MRAS: variants seen among roughly 807,000 people sequenced by gnomAD.
The protein encoded by MRAS is muscle RAS oncogene homolog, also known as ras-related protein M-Ras.
Under a neutral mutation model 20.9 loss-of-function variants are expected in MRAS, and 4 were observed. The observed-to-expected ratio is 0.19, with a 90% CI of 0.09 to 0.44. The LOEUF (loss-of-function observed/expected upper bound fraction) is 0.44. Ranked by LOEUF, MRAS falls within the 20% of genes least tolerant of loss-of-function variation. The pLI, the probability that MRAS is intolerant of heterozygous loss-of-function variation, is 0.99. For missense variants in MRAS, 154 were observed against 277.5 expected (o/e 0.56, Z 3.16); for synonymous variants, 98 against 102.9 (o/e 0.95, Z 0.29).
chr3:138,358,866 A>C (rs779257373), intron 1 of MRAS, among the ~76,000 whole-genome samples: 1 of 152,226 alleles, frequency 6.6e-6, no homozygotes, highest in Non-Finnish European at 1.5e-5. Flanking sequence ...GCATGTGGTC[A>C]GGGCTTAATA....
intron 2 of MRAS, among the ~76,000 whole-genome samples, chr3:138,380,293 T>A (rs1372819168): frequency 6.6e-6 from 1 of 151,138 alleles, no homozygotes; most frequent in East Asian, 1.9e-4. Context: ...CTCTCCTCAG[T>A]CCTTGGCAAC....
At chr3:138,400,873 A>G (rs1303838515) in intron 5 of MRAS, among the ~76,000 whole-genome samples, 1 of 152,182 alleles carries the variant, frequency 6.6e-6, no homozygotes, top group East Asian at 1.9e-4. Flanking sequence ...TGTCTGATGC[A>G]GTGGCTCAGG....
chr3:138,382,345 C>T (rs906802566), intron 2 of MRAS, among the ~76,000 whole-genome samples: 2 of 152,206 alleles, frequency 1.3e-5, no homozygotes, highest in Non-Finnish European at 2.9e-5. Context: ...GCAGTTACTA[C>T]CAACCAGACT....
chr3:138,375,523 G>C (rs1576362227), intron 2 of MRAS, among the ~76,000 whole-genome samples: 1 of 151,886 alleles, frequency 6.6e-6, no homozygotes, highest in South Asian at 2.1e-4. Flanking sequence ...TTTTGTTTTT[G>C]TTTTGAGACA....
chr3:138,381,197 A>G (rs934703167), intron 2 of MRAS, among the ~76,000 whole-genome samples: 41 of 152,220 alleles, frequency 2.7e-4, no homozygotes, highest in African/African-American at 9.6e-4. Context: ...TAACGCTGCT[A>G]TGAGCATGGT....
chr3:138,392,268 C>T (rs1214211929), intron 2 of MRAS, among the ~76,000 whole-genome samples: 1 of 152,164 alleles, frequency 6.6e-6, no homozygotes, highest in African/African-American at 2.4e-5. Context: ...AGTGCAGTGG[C>T]AAGATTGTAG....
At chr3:138,348,322 C>T (rs1193628237), upstream of MRAS, 3 of 152,282 alleles carry the variant, frequency 2.0e-5, no homozygotes, top group Admixed American at 6.5e-5. Context: ...CGGATCTGAC[C>T]CGGGTAAGTG....
intron 4 of MRAS, among the ~76,000 whole-genome samples, chr3:138,399,289 C>T (rs1278375128): frequency 6.6e-6 from 1 of 152,182 alleles, no homozygotes; most frequent in African/African-American, 2.4e-5. Flanking sequence ...GATAGTGAGA[C>T]CTGGAAAGCC....
At chr3:138,388,988 C>T (rs1157083594) in intron 2 of MRAS, among the ~76,000 whole-genome samples, 1 of 152,028 alleles carries the variant, frequency 6.6e-6, no homozygotes, top group African/African-American at 2.4e-5. Flanking sequence ...ATTACAGGTA[C>T]CCACCACCAT....
At chr3:138,379,770 C>T (rs1375461406) in intron 2 of MRAS, among the ~76,000 whole-genome samples, 1 of 152,178 alleles carries the variant, frequency 6.6e-6, no homozygotes, top group African/African-American at 2.4e-5. Flanking sequence ...GCTATTGTGA[C>T]TAGCGCTATG....
chr3:138,401,636 G>T (rs2055361714), intron 5 of MRAS, among the ~76,000 whole-genome samples: 1 of 152,260 alleles, frequency 6.6e-6, no homozygotes, highest in African/African-American at 2.4e-5. Context: ...ACAAAAGAAA[G>T]AAAGAAACTA....
In MRAS at chr3:138,404,703, G is replaced by A. The variant is rs1055530618; in HGVS notation, c.*2434G>A. On this transcript the variant is annotated 3_prime_UTR_variant, in exon 6 of 6. Coordinates refer to ENST00000423968, the MANE Select transcript of MRAS (RefSeq NM_001085049.3). ...TAAATAATGCCCCATTTGTAGAAGT[G>A]GGCCCTCATGACTGAGGTAGCTTCC... is the stretch of plus-strand genomic sequence containing the variant. 5 of 152,120 alleles carry A rather than the reference G, an allele frequency of 3.3e-5. No individual in the cohort carries two copies. Among genetic ancestry groups the A allele is most frequent in the African/African-American group, 9.7e-5 (4 of 41,422 alleles). The allele number at this position is 152,120 out of a possible 1,614,324, so 9.4% of individuals were successfully genotyped here. A position where few individuals can be genotyped will look rare whatever the true frequency, so the allele number is the denominator to read the frequency against.
chr3:138,373,018 C>T lies in MRAS; in HGVS notation c.135C>T (p.Thr45=), dbSNP rs769273607. ...TCTTTGTGCCTGACTATGACCCCACCATTGAAGACTCCTACCTGAAACATA... is the reference window on the plus strand; with the variant it reads ...TCTTTGTGCCTGACTATGACCCCACTATTGAAGACTCCTACCTGAAACATA... ...QKIFVPDYDP[T]IEDSYLKHTE... Residue 45 remains threonine (T), a synonymous_variant, in exon 2 of 6, where the codon ACC becomes ACT. Transcript: ENST00000423968. 7.1e-6 allele frequency: 11 copies of T among 1,552,222 alleles called. No homozygotes were observed. The highest frequency in any genetic ancestry group is 9.5e-6 in the Non-Finnish European group (11 of 1,151,932).
Position 138,397,938 on chromosome 3 carries a change from A to G in MRAS, c.347+461A>G, listed in dbSNP as rs149372521. The stretch of plus-strand genomic sequence containing the variant: ...CAACTTTCTTGCTAATCAAAGAAAT[A>G]TAGGGAAAATAGTAAAGTACCATTT... On this transcript the variant is annotated intron_variant, in intron 3 of 5. Coordinates refer to ENST00000423968, the MANE Select transcript of MRAS (RefSeq NM_001085049.3). 6.8e-4 allele frequency among the ~76,000 whole-genome samples: 104 copies of G among 152,370 alleles called. 1 individual carries two copies. Among genetic ancestry groups the G allele is most frequent in the African/African-American group, 2.2e-3 (92 of 41,592 alleles).
intron 5 of MRAS, among the ~76,000 whole-genome samples, chr3:138,401,722 C>A (rs1434744275): frequency 2.0e-5 from 3 of 152,134 alleles, no homozygotes; most frequent in Non-Finnish European, 4.4e-5. Context: ...TGGTTGTGAA[C>A]CTATAGTGCC....
At chr3:138,399,695 C>G (rs2055318661) in intron 4 of MRAS, among the ~76,000 whole-genome samples, 1 of 152,232 alleles carries the variant, frequency 6.6e-6, no homozygotes, top group Non-Finnish European at 1.5e-5. Flanking sequence ...CAGCTTACTT[C>G]CATCTGTCTC....
At chr3:138,356,999 TAAAG>T (rs1389110006) in intron 1 of MRAS, among the ~76,000 whole-genome samples, 4 of 152,202 alleles carry the variant, frequency 2.6e-5, no homozygotes, top group Non-Finnish European at 4.4e-5. Context: ...GAAATCAAAA[TAAAG>T]AAACAAAGCC....
chr3:138,372,971 A>G lies in MRAS; in HGVS notation c.88A>G (p.Thr30Ala). 2 of 1,572,850 alleles carry G rather than the reference A, an allele frequency of 1.3e-6. No individual in the cohort carries two copies. The highest frequency in any genetic ancestry group is 8.6e-7 in the Non-Finnish European group (1 of 1,162,148). The change falls in exon 2 of 6, where the codon ACC (threonine) becomes GCC (alanine). Residue 30 changes from threonine (T) to alanine (A), a missense_variant. Around this residue, in one of 3 missense-constraint regions of MRAS, gnomAD observed 27 missense variants for 42.0 expected, o/e 0.64. Coordinates refer to ENST00000423968, the MANE Select transcript of MRAS (RefSeq NM_001085049.3). ...GDGGVGKSAL[T>A]IQFFQKIFVP... ...TGGGGGTGTGGGCAAAAGTGCCCTC[A>G]CCATCCAGTTTTTCCAGAAGATCTT...
chr3:138,365,759 G>C (rs2054545950), intron 1 of MRAS, among the ~76,000 whole-genome samples: 1 of 152,226 alleles, frequency 6.6e-6, no homozygotes, highest in African/African-American at 2.4e-5. Context: ...TCTCTCTGGA[G>C]CAGTCACTGT....
Sources: gnomAD v4.1 joint callset for allele counts (sites outside exome capture counted in the v4.1 genomes callset) on GRCh38, gnomAD v4.1.1 for gene constraint, gnomAD v4.1.1 regional missense constraint, MANE v1.5 for transcripts, NCBI Gene and HGNC (gene_info 2026-07-23, HGNC 2026-07-21) for gene names.